LTBP1: variants seen among roughly 807,000 people sequenced by gnomAD.
The protein encoded by LTBP1 is latent transforming growth factor beta binding protein 1, also known as latent-transforming growth factor beta-binding protein 1.
In LTBP1, 129 loss-of-function variants were observed where a neutral mutation model predicts 207.6. The observed-to-expected ratio is 0.62, with a 90% CI of 0.54 to 0.72. LTBP1 has a LOEUF of 0.72. Among genes scored for constraint, LTBP1 ranks in the 30% least tolerant of loss-of-function variants. The pLI is 0.00. For synonymous variants in LTBP1, 963 were observed against 833.7 expected, an observed-to-expected ratio of 1.16 and a Z score of -2.67; for missense variants, 2,281 against 2,217.2, an observed-to-expected ratio of 1.03 and a Z score of -0.58.
chr2:33,196,913 C>T (rs1439956224), intron 7 of LTBP1, among the ~76,000 whole-genome samples: 1 of 152,072 alleles, frequency 6.6e-6, no homozygotes, highest in Non-Finnish European at 1.5e-5. Context: ...AATTCATGAC[C>T]ACAGAGGACA....
chr2:33,227,497 C>A (rs551881013), intron 9 of LTBP1, among the ~76,000 whole-genome samples: 1 of 152,278 alleles, frequency 6.6e-6, no homozygotes, highest in East Asian at 1.9e-4. Flanking sequence ...AATCTTGCCT[C>A]CAAGTAGCTC....
intron 5 of LTBP1, among the ~76,000 whole-genome samples, chr2:33,174,216 G>C (rs1439956096): frequency 2.4e-4 from 34 of 144,320 alleles, no homozygotes; most frequent in Non-Finnish European, 3.4e-4. Context: ...AAGTCAAATT[G>C]TCCCTGTTTG....
At chr2:32,967,258 A>G (rs375301801) in intron 2 of LTBP1, among the ~76,000 whole-genome samples, 200 of 152,046 alleles carry the variant, frequency 1.3e-3, no homozygotes, top group African/African-American at 4.6e-3. Context: ...GATGATTTCA[A>G]AGAGCTAGCT....
chr2:33,156,700 A>ATATAAC (rs369817537), intron 5 of LTBP1, among the ~76,000 whole-genome samples: 2,286 of 152,356 alleles, frequency 0.015, 23 homozygotes, highest in East Asian at 0.027. Flanking sequence ...ACAACTATAT[A>ATATAAC]TATAACAATT....
intron 33 of LTBP1, among the ~76,000 whole-genome samples, chr2:33,397,506 C>CTTCT (rs2095369536): frequency 8.9e-6 from 1 of 112,116 alleles, no homozygotes; most frequent in Non-Finnish European, 1.7e-5. Flanking sequence ...TACCACAATT[C>CTTCT]TTTTTTTTTT....
intron 5 of LTBP1, among the ~76,000 whole-genome samples, chr2:33,172,339 G>A (rs1012545790): frequency 6.6e-6 from 1 of 152,078 alleles, no homozygotes; most frequent in African/African-American, 2.4e-5. Context: ...ACAAAAAAAG[G>A]CAGGGGTTGC....
chr2:33,387,006 T>A (rs559751060), intron 31 of LTBP1, among the ~76,000 whole-genome samples: 1 of 152,132 alleles, frequency 6.6e-6, no homozygotes, highest in Non-Finnish European at 1.5e-5. Flanking sequence ...AATTTTGTAT[T>A]TTTAGTAGAG....
intron 5 of LTBP1, among the ~76,000 whole-genome samples, chr2:33,149,802 T>C (rs72855703): frequency 0.012 from 1,775 of 152,282 alleles, 34 homozygotes; most frequent in African/African-American, 0.041. Context: ...CCATTGCTAC[T>C]GTGGATGCTC....
At chr2:33,138,463 G>A (rs1442842133) in intron 5 of LTBP1, among the ~76,000 whole-genome samples, 1 of 148,918 alleles carries the variant, frequency 6.7e-6, no homozygotes, top group South Asian at 2.1e-4. Context: ...TTTTTTTTGA[G>A]CTCAGCCTTG....
chr2:32,978,927 T>C, intron 2 of LTBP1, among the ~76,000 whole-genome samples: 1 of 151,930 alleles, frequency 6.6e-6, no homozygotes. Context: ...TGATTCAATC[T>C]TGGTAGGTTG....
chr2:33,051,077 A>G (rs1479863859), intron 3 of LTBP1, among the ~76,000 whole-genome samples: 2 of 152,134 alleles, frequency 1.3e-5, no homozygotes, highest in East Asian at 1.9e-4. Flanking sequence ...TCTTCACACC[A>G]TGATTGTGAA....
At chr2:33,238,176 T>C (rs2092140621) in intron 9 of LTBP1, among the ~76,000 whole-genome samples, 1 of 152,208 alleles carries the variant, frequency 6.6e-6, no homozygotes, top group African/African-American at 2.4e-5. Flanking sequence ...TCATGGAATT[T>C]ATATTTACTA....
At chr2:33,064,245 T>G (rs1344693196) in intron 3 of LTBP1, among the ~76,000 whole-genome samples, 1 of 152,238 alleles carries the variant, frequency 6.6e-6, no homozygotes, top group African/African-American at 2.4e-5. Context: ...TTAATTTATA[T>G]TTAGTGACCT....
At chr2:33,181,236 G>C (rs970680103) in intron 5 of LTBP1, among the ~76,000 whole-genome samples, 2 of 152,096 alleles carry the variant, frequency 1.3e-5, no homozygotes, top group African/African-American at 4.8e-5. Context: ...AAAGAGGCAG[G>C]GTCTGCCTTT....
chr2:33,061,605 T>C (rs191944686), intron 3 of LTBP1, among the ~76,000 whole-genome samples: 1 of 152,318 alleles, frequency 6.6e-6, no homozygotes, highest in East Asian at 1.9e-4. Flanking sequence ...ATACTATTTG[T>C]GGAATGTGTT....
intron 2 of LTBP1, among the ~76,000 whole-genome samples, chr2:32,974,538 C>T (rs978911564): frequency 2.0e-5 from 3 of 152,046 alleles, no homozygotes; most frequent in African/African-American, 4.8e-5. Flanking sequence ...TGTGGGTTGT[C>T]TCTTCACTGT....
At chr2:33,024,307 T>C (rs1339127970) in intron 3 of LTBP1, among the ~76,000 whole-genome samples, 1 of 152,060 alleles carries the variant, frequency 6.6e-6, no homozygotes, top group African/African-American at 2.4e-5. Flanking sequence ...GGTTGGTGTG[T>C]GGTGGGGAAG....
At chr2:33,333,638 A>T (rs994164312) in intron 24 of LTBP1, among the ~76,000 whole-genome samples, 8 of 152,138 alleles carry the variant, frequency 5.3e-5, no homozygotes, top group African/African-American at 1.9e-4. Flanking sequence ...CTGACATGGT[A>T]AAAAAACGAA....
chr2:32,947,833 C>A lies in LTBP1; in HGVS notation c.494+15C>A, dbSNP rs144369825. The A allele has an allele frequency of 1.1e-3, 1,404 of 1,299,672 alleles. 2 individuals carry two copies. Among genetic ancestry groups the A allele is most frequent in the Non-Finnish European group, 1.3e-3 (1,303 of 1,017,212 alleles). 80.5% of individuals were successfully genotyped at this position (1,299,672 alleles called of 1,614,324 possible). ...CAGCTGCAGGGGTAAGCCCACACCC[C>A]CTTCCGCCCGCCCGCCCGCCTCGCG... is the stretch of plus-strand genomic sequence containing the variant. On this transcript the variant is annotated intron_variant, in intron 1 of 33. Transcript: ENST00000404816.
Sources: allele counts gnomAD v4.1 joint callset (sites outside exome capture counted in the v4.1 genomes callset), GRCh38; gene constraint gnomAD v4.1.1; transcripts MANE v1.5; gene names NCBI Gene and HGNC (gene_info 2026-07-23, HGNC 2026-07-21).